The following TSHZ2 variants were observed in gnomAD, a reference collection of about 807,000 sequenced individuals.
TSHZ2 encodes the protein teashirt zinc finger homeobox 2, also known as teashirt homolog 2.
In TSHZ2, 21 loss-of-function variants were observed where a neutral mutation model predicts 74.4. The ratio of observed to expected loss-of-function variants is 0.28; its 90% CI spans 0.20 to 0.41. The LOEUF (loss-of-function observed/expected upper bound fraction) is 0.41. Among genes scored for constraint, TSHZ2 ranks in the 10% least tolerant of loss-of-function variants. TSHZ2 has a pLI of 1.00. For synonymous variants in TSHZ2, 540 were observed against 515.3 expected (o/e 1.05, Z -0.65); for missense variants, 1,244 against 1,293.5 (o/e 0.96, Z 0.59).
intron 1 of TSHZ2, among the ~76,000 whole-genome samples, chr20:53,127,899 T>A (rs1986992247): frequency 6.6e-6 from 1 of 152,212 alleles, no homozygotes; most frequent in Non-Finnish European, 1.5e-5. Flanking sequence ...GGTGCCCTGC[T>A]GCCTCAAGAC....
intron 1 of TSHZ2, among the ~76,000 whole-genome samples, chr20:53,173,792 A>C (rs561804137): frequency 3.7e-4 from 56 of 152,268 alleles, no homozygotes; most frequent in African/African-American, 1.3e-3. Flanking sequence ...TGTTCTGGAA[A>C]GATATGAGAC....
At chr20:53,213,084 T>C (rs981551912) in intron 1 of TSHZ2, among the ~76,000 whole-genome samples, 1 of 152,176 alleles carries the variant, frequency 6.6e-6, no homozygotes, top group African/African-American at 2.4e-5. Context: ...CTGCAATATG[T>C]AATTAATAGT....
Position 53,491,970 on chromosome 20 carries a change from A to C in TSHZ2, c.*4835A>C, listed in dbSNP as rs1238281727. 6.6e-6 allele frequency: 1 copy of C among 152,166 alleles called. No individual in the cohort carries two copies. Among genetic ancestry groups the C allele is most frequent in the Non-Finnish European group, 1.5e-5 (1 of 68,016 alleles). The allele number at this position is 152,166 out of a possible 1,614,324, so 9.4% of individuals were successfully genotyped here. ...GCCTTTGTATCATGGTTATTTGCTT[A>C]AAACAGCTTTTAGAAGTACAAGTAA... On this transcript the variant is annotated 3_prime_UTR_variant, in exon 3 of 3. Transcript: ENST00000371497.
At chr20:53,115,831 GA>G (rs1193355187) in intron 1 of TSHZ2, among the ~76,000 whole-genome samples, 2 of 152,128 alleles carry the variant, frequency 1.3e-5, no homozygotes, top group African/African-American at 4.8e-5. Context: ...TCAAGTGGAA[GA>G]AGGGGAGGCA....
intron 1 of TSHZ2, among the ~76,000 whole-genome samples, chr20:53,131,556 C>T (rs1196464339): frequency 1.3e-5 from 2 of 152,200 alleles, no homozygotes; most frequent in African/African-American, 2.4e-5. Context: ...CAGGGAGAAA[C>T]GAGTGGCCCC....
At chr20:53,441,033 G>A (rs1017482962) in intron 2 of TSHZ2, among the ~76,000 whole-genome samples, 3 of 152,150 alleles carry the variant, frequency 2.0e-5, no homozygotes, top group African/African-American at 7.2e-5. Context: ...AAGCAATTGA[G>A]TGTAGAAGGT....
intron 1 of TSHZ2, among the ~76,000 whole-genome samples, chr20:53,134,647 T>G (rs1987195837): frequency 6.6e-6 from 1 of 152,236 alleles, no homozygotes; most frequent in African/African-American, 2.4e-5. Flanking sequence ...ATGGACACTC[T>G]TAACAATTCG....
At chr20:53,122,776 T>C (rs1257024231) in intron 1 of TSHZ2, among the ~76,000 whole-genome samples, 1 of 152,210 alleles carries the variant, frequency 6.6e-6, no homozygotes, top group Non-Finnish European at 1.5e-5. Flanking sequence ...TGGCTTCCAT[T>C]CACTGTGCAG....
intron 1 of TSHZ2, among the ~76,000 whole-genome samples, chr20:53,180,150 AAG>A (rs143192489): frequency 0.013 from 1,916 of 152,314 alleles, 50 homozygotes; most frequent in African/African-American, 0.044. Context: ...TGACAAAAGA[AAG>A]AGATTGGGAG....
intron 1 of TSHZ2, among the ~76,000 whole-genome samples, chr20:53,249,550 C>A (rs1031917726): frequency 2.0e-5 from 3 of 152,170 alleles, no homozygotes; most frequent in Non-Finnish European, 4.4e-5. Context: ...CAGCAAAGGC[C>A]TCACTGAGAA....
At chr20:53,157,463 G>A (rs1045475665) in intron 1 of TSHZ2, among the ~76,000 whole-genome samples, 2 of 147,464 alleles carry the variant, frequency 1.4e-5, no homozygotes, top group African/African-American at 5.1e-5. Flanking sequence ...CTGGAGTGCA[G>A]TGGCATGATT....
At position 53,236,828 on chromosome 20, in the gene TSHZ2, A is replaced by C. The variant is rs564846031; in HGVS notation, c.41-16671A>C. On this transcript the variant is annotated intron_variant, in intron 1 of 2. Transcript: ENST00000371497. ...AGCAGGAGAGAGAAGTACAGTATGA[A>C]GTGGGGAAAAGCCCCTTATAAAACC... Among the ~76,000 whole-genome samples, 8 of 152,330 alleles carry C rather than the reference A, an allele frequency of 5.3e-5. No individual in the cohort carries two copies. In the East Asian group the frequency reaches 1.5e-3, roughly 29 times the overall value.
rs147561098 is a variant in TSHZ2 at position 53,254,123 on chromosome 20, C to T, written c.665C>T (p.Ala222Val). 33 of 1,614,110 alleles carry T rather than the reference C, an allele frequency of 2.0e-5. No individual in the cohort carries two copies. Among genetic ancestry groups the T allele is most frequent in the South Asian group, 1.1e-4 (10 of 91,072 alleles). The change falls in exon 2 of 3, where the codon GCG becomes GTG. Residue 222 changes from alanine (A) to valine (V), a missense_variant. By Grantham distance (64) the Ala-to-Val change is moderately conservative (BLOSUM62 0). This residue lies in a region of TSHZ2 where 470 missense variants were observed against 456.5 expected (regional missense o/e 1.03). Transcript: ENST00000371497. ...ASRFRCRQCS[A>V]AYDTLVELTV... ...AGATTCCGATGCCGACAGTGCAGCG[C>T]GGCCTATGACACCCTAGTCGAGCTG...
intron 2 of TSHZ2, among the ~76,000 whole-genome samples, chr20:53,323,818 TC>T (rs1382332833): frequency 1.3e-5 from 2 of 152,068 alleles, no homozygotes; most frequent in African/African-American, 4.8e-5. Context: ...CCTTAGGTGA[TC>T]CACCCGCCCC....
rs143589549 is a variant in TSHZ2 at position 53,400,618 on chromosome 20, G to A, written c.*9-86526G>A. On this transcript the variant is annotated intron_variant, in intron 2 of 2. Transcript: ENST00000371497. ...TGCACTCAGCACCCATTTGATCCCGGAGTCCGCTTTCTTGATTGTACTCTC... is the reference window on the plus strand; with the variant it reads ...TGCACTCAGCACCCATTTGATCCCGAAGTCCGCTTTCTTGATTGTACTCTC... The A allele has an allele frequency of 3.9e-5, 6 of 152,338 alleles. No individual in the cohort carries two copies. The East Asian group carries it at 1.2e-3, about 29-fold the overall frequency. The allele number at this position is 152,338 out of a possible 1,614,324, so 9.4% of individuals were successfully genotyped here.
intron 1 of TSHZ2, among the ~76,000 whole-genome samples, chr20:53,018,292 T>C (rs1431969696): frequency 1.3e-5 from 2 of 152,182 alleles, no homozygotes; most frequent in Non-Finnish European, 2.9e-5. Context: ...CCCAGCAGTT[T>C]TGTAGACAAT....
chr20:53,287,854 CT>C lies in TSHZ2; in HGVS notation c.*8+31290del, dbSNP rs893744410. Among the ~76,000 whole-genome samples the C allele has an allele frequency of 4.6e-5, 7 of 152,114 alleles. No homozygotes were observed. The East Asian group carries it at 9.6e-4, about 21-fold the overall frequency. Reference sequence around the variant, plus strand: ...GTTTTTAAAACTTTTAATGACTCAGCTTTTTTTCCCCTCCAAGAGTATTTCA... The same window carrying C: ...GTTTTTAAAACTTTTAATGACTCAGCTTTTTTCCCCTCCAAGAGTATTTCA... On this transcript the variant is annotated intron_variant, in intron 2 of 2. Coordinates refer to ENST00000371497, the MANE Select transcript of TSHZ2 (RefSeq NM_173485.6).
At chr20:53,146,261 A>C (rs1987537610) in intron 1 of TSHZ2, among the ~76,000 whole-genome samples, 1 of 152,184 alleles carries the variant, frequency 6.6e-6, no homozygotes, top group African/African-American at 2.4e-5. Flanking sequence ...GGATGAGTCA[A>C]CACAATTTGG....
chr20:53,200,040 G>A (rs966127921), intron 1 of TSHZ2, among the ~76,000 whole-genome samples: 1 of 152,194 alleles, frequency 6.6e-6, no homozygotes, highest in African/African-American at 2.4e-5. Context: ...GTAGTTTAGA[G>A]CTCAATCCTG....
Sources: allele counts gnomAD v4.1 joint callset (sites outside exome capture counted in the v4.1 genomes callset), GRCh38; gene constraint gnomAD v4.1.1; regional missense constraint gnomAD v4.1.1; transcripts MANE v1.5; gene names NCBI Gene and HGNC (gene_info 2026-07-23, HGNC 2026-07-21).